Variants in TRAPPC9 observed in about 807,000 individuals in gnomAD.
The protein encoded by TRAPPC9 is IKK2 binding protein.
Under a neutral mutation model 124.0 loss-of-function variants are expected in TRAPPC9, and 83 were observed. That is an observed-to-expected ratio of 0.67 (90% confidence interval 0.56 to 0.80). The LOEUF is 0.80. Ranked by LOEUF, TRAPPC9 falls within the 30% of genes least tolerant of loss-of-function variation. The pLI, the probability that TRAPPC9 is intolerant of heterozygous loss-of-function variation, is 0.00. For synonymous variants in TRAPPC9, 638 were observed against 617.5 expected (o/e 1.03, Z -0.49); for missense variants, 1,302 against 1,508.3 (o/e 0.86, Z 2.27).
chr8:139,765,943 C>T (rs1415832734), intron 21 of TRAPPC9, among the ~76,000 whole-genome samples: 2 of 152,344 alleles, frequency 1.3e-5, no homozygotes, highest in South Asian at 2.1e-4. Flanking sequence ...TCTGACCTCA[C>T]GCTGCTGGGG....
At chr8:139,732,268 C>G in intron 21 of TRAPPC9, 66 bp from the exon 22 acceptor site, 2 of 1,402,164 alleles carry the variant, frequency 1.4e-6, no homozygotes, top group Non-Finnish European at 1.9e-6. Context: ...CTACCCCACC[C>G]ACTCGCTGAT....
intron 15 of TRAPPC9, among the ~76,000 whole-genome samples, chr8:140,253,309 G>A (rs2064171732): frequency 6.6e-6 from 1 of 152,082 alleles, no homozygotes; most frequent in African/African-American, 2.4e-5. Flanking sequence ...TCACCTTAAA[G>A]AGAAACAGAT....
intron 15 of TRAPPC9, among the ~76,000 whole-genome samples, chr8:140,272,285 G>GTTT (rs2064952765): frequency 7.3e-6 from 1 of 137,044 alleles, no homozygotes; most frequent in South Asian, 3.0e-4. Flanking sequence ...GACGATGGTG[G>GTTT]TGGCAGTTGT....
At chr8:140,448,445 T>C (rs773838232) in intron 2 of TRAPPC9, among the ~76,000 whole-genome samples, 7 of 152,230 alleles carry the variant, frequency 4.6e-5, no homozygotes, top group Non-Finnish European at 1.0e-4. Flanking sequence ...CCGCTCCTCC[T>C]GCAGAGTTGT....
chr8:140,392,665 G>A (rs2068961086), intron 7 of TRAPPC9, among the ~76,000 whole-genome samples: 1 of 152,238 alleles, frequency 6.6e-6, no homozygotes. Context: ...AGGAAAGAGA[G>A]AACCAGCACG....
intron 7 of TRAPPC9, among the ~76,000 whole-genome samples, chr8:140,381,050 C>T (rs774379622): frequency 6.6e-6 from 1 of 151,492 alleles, no homozygotes; most frequent in Non-Finnish European, 1.5e-5. Context: ...ACTAAAAATA[C>T]AAAAATTAGC....
chr8:140,388,530 A>G (rs1360446886), intron 7 of TRAPPC9, among the ~76,000 whole-genome samples: 3 of 152,118 alleles, frequency 2.0e-5, no homozygotes, highest in Non-Finnish European at 2.9e-5. Flanking sequence ...TTAAAAATAC[A>G]AAATTAGTCG....
chr8:139,999,679 T>A (rs994278239), intron 18 of TRAPPC9, among the ~76,000 whole-genome samples: 1 of 150,506 alleles, frequency 6.6e-6, no homozygotes, highest in Non-Finnish European at 1.5e-5. Context: ...ACAGAAAAAA[T>A]CCTGAACTAA....
At chr8:139,809,648 T>A (rs1200716012) in intron 21 of TRAPPC9, among the ~76,000 whole-genome samples, 1 of 152,066 alleles carries the variant, frequency 6.6e-6, no homozygotes, top group Non-Finnish European at 1.5e-5. Context: ...CCAGCCCTGA[T>A]CTTCCTGCTC....
At chr8:139,999,222 T>C (rs879448297) in intron 18 of TRAPPC9, among the ~76,000 whole-genome samples, 5 of 152,090 alleles carry the variant, frequency 3.3e-5, no homozygotes, top group Non-Finnish European at 5.9e-5. Context: ...CTATATGCTA[T>C]CTATAATAAA....
chr8:139,756,922 G>A (rs1444921442), intron 21 of TRAPPC9, among the ~76,000 whole-genome samples: 20 of 131,910 alleles, frequency 1.5e-4, no homozygotes, highest in Admixed American at 6.0e-4. Flanking sequence ...ACAGCAGGTC[G>A]CAGGAGGAGC....
In TRAPPC9 at chr8:139,910,245, C is replaced by T. The variant is rs767913450; in HGVS notation, c.2866G>A (p.Glu956Lys). The change falls in exon 20 of 23, where the codon GAG becomes AAG. Residue 956 changes from glutamate to lysine, a missense_variant. Glu to Lys is a moderately conservative substitution (Grantham distance 56). Coordinates refer to ENST00000438773, the MANE Select transcript of TRAPPC9 (RefSeq NM_001160372.4). ...NFESFPESPG[E>K]KGQFANPKQL... Reference sequence around the variant, plus strand: ...TTGGGGTTTGCAAATTGCCCCTTCTCCCCAGGGGACTCCGGGAAACTCTCA... The same window carrying T: ...TTGGGGTTTGCAAATTGCCCCTTCTTCCCAGGGGACTCCGGGAAACTCTCA... 2.5e-6 allele frequency: 4 copies of T among 1,614,126 alleles called. No homozygotes were observed. In the South Asian group the frequency reaches 4.4e-5, roughly 18 times the overall value.
At chr8:139,831,372 T>C (rs950867328) in intron 21 of TRAPPC9, among the ~76,000 whole-genome samples, 6 of 152,086 alleles carry the variant, frequency 3.9e-5, no homozygotes, top group African/African-American at 1.4e-4. Context: ...TTTCTTGATA[T>C]TTGATCCTAA....
intron 16 of TRAPPC9, among the ~76,000 whole-genome samples, chr8:140,239,376 G>A (rs1211560854): frequency 6.6e-6 from 1 of 152,182 alleles, no homozygotes; most frequent in Non-Finnish European, 1.5e-5. Flanking sequence ...AGGTAAAGAG[G>A]AAAAGGAAGA....
At chr8:140,047,300 C>T (rs1418446750) in intron 17 of TRAPPC9, among the ~76,000 whole-genome samples, 1 of 152,240 alleles carries the variant, frequency 6.6e-6, no homozygotes, top group African/African-American at 2.4e-5. Context: ...GAAGCTCAGT[C>T]AATCCACCTG....
rs569149789 is a variant in TRAPPC9 at position 139,916,563 on chromosome 8, AC to A, written c.2811-6264del. On this transcript the variant is annotated intron_variant, in intron 19 of 22. Coordinates refer to ENST00000438773, the MANE Select transcript of TRAPPC9 (RefSeq NM_001160372.4). The stretch of plus-strand genomic sequence containing the variant: ...GCCTCCCGGGTAGACGGTCTCCACC[AC>A]TACTTGCTTCTGTTCATCTCTGACG... 10 of 152,390 alleles carry A rather than the reference AC, an allele frequency of 6.6e-5. No homozygotes were observed. The East Asian group carries it at 1.9e-3, about 29-fold the overall frequency. 9.4% of individuals were successfully genotyped at this position (152,390 alleles called of 1,614,324 possible). A position where few individuals can be genotyped will look rare whatever the true frequency, so the allele number is the denominator to read the frequency against.
chr8:140,256,906 G>T (rs1237532194), intron 15 of TRAPPC9, among the ~76,000 whole-genome samples: 5 of 152,128 alleles, frequency 3.3e-5, no homozygotes, highest in Non-Finnish European at 7.3e-5. Flanking sequence ...TTAAGTGTTT[G>T]CTCTTATAAT....
chr8:139,743,854 T>G (rs1486483518), intron 21 of TRAPPC9, among the ~76,000 whole-genome samples: 4 of 152,214 alleles, frequency 2.6e-5, no homozygotes, highest in Admixed American at 2.6e-4. Context: ...AGCTACTCAA[T>G]GCCCCCCAGT....
At chr8:140,350,457 G>A (rs182801667) in intron 9 of TRAPPC9, among the ~76,000 whole-genome samples, 93 of 152,280 alleles carry the variant, frequency 6.1e-4, no homozygotes, top group African/African-American at 1.1e-3. Context: ...GTGGCAAAGC[G>A]GTGTGCAGGT....
Sources: gnomAD v4.1 joint callset for allele counts (sites outside exome capture counted in the v4.1 genomes callset) on GRCh38, gnomAD v4.1.1 for gene constraint, MANE v1.5 for transcripts, NCBI Gene and HGNC (gene_info 2026-07-23, HGNC 2026-07-21) for gene names.